Variants in SOX5 observed in about 807,000 individuals in gnomAD.
The protein encoded by SOX5 is transcription factor SOX-5.
A neutral mutation model predicts 92.0 loss-of-function variants in SOX5; 9 were observed. The ratio of observed to expected loss-of-function variants is 0.10; its 90% CI spans 0.06 to 0.17. SOX5 has a LOEUF of 0.17. Among genes scored for constraint, SOX5 ranks in the 10% least tolerant of loss-of-function variants. The pLI is 1.00. For missense variants in SOX5, 642 were observed against 944.5 expected, an observed-to-expected ratio of 0.68 and a Z score of 4.20; for synonymous variants, 344 against 336.3, an observed-to-expected ratio of 1.02 and a Z score of -0.25.
At chr12:24,075,032 C>T (rs971140263) in intron 4 of SOX5, among the ~76,000 whole-genome samples, 13 of 151,608 alleles carry the variant, frequency 8.6e-5, no homozygotes, top group Non-Finnish European at 1.6e-4. Flanking sequence ...GAGGCAGAGG[C>T]AGGAGGACTG....
At chr12:24,308,041 A>G (rs1948791540) in intron 2 of SOX5, among the ~76,000 whole-genome samples, 1 of 152,036 alleles carries the variant, frequency 6.6e-6, no homozygotes, top group African/African-American at 2.4e-5. Flanking sequence ...AAAAAACAGA[A>G]GCTGGTGATA....
intron 2 of SOX5, among the ~76,000 whole-genome samples, chr12:24,290,092 A>G (rs1314551720): frequency 1.3e-5 from 2 of 152,206 alleles, no homozygotes; most frequent in Non-Finnish European, 2.9e-5. Context: ...GCCAGCATTC[A>G]TAGAACTATG....
At chr12:23,768,512 A>C (rs1324182246) in intron 3 of SOX5, among the ~76,000 whole-genome samples, 1 of 152,198 alleles carries the variant, frequency 6.6e-6, no homozygotes, top group Non-Finnish European at 1.5e-5. Context: ...AATTGGAAGA[A>C]TTCTCCCAAT....
intron 2 of SOX5, among the ~76,000 whole-genome samples, chr12:23,859,658 C>T (rs924781948): frequency 7.9e-5 from 12 of 152,060 alleles, no homozygotes; most frequent in African/African-American, 2.9e-4. Flanking sequence ...ATTCATACAC[C>T]CCTCCCCTTT....
At chr12:23,828,965 A>C (rs775828767) in intron 3 of SOX5, among the ~76,000 whole-genome samples, 1 of 152,116 alleles carries the variant, frequency 6.6e-6, no homozygotes, top group Non-Finnish European at 1.5e-5. Context: ...GATGCTGGCC[A>C]TATTTGTCCT....
chr12:23,662,497 A>G (rs2083197368), intron 7 of SOX5, among the ~76,000 whole-genome samples: 1 of 152,138 alleles, frequency 6.6e-6, no homozygotes, highest in African/African-American at 2.4e-5. Context: ...TTACTCTTAT[A>G]TTGTTTAAAT....
At chr12:23,929,307 A>G (rs910959503) in intron 1 of SOX5, among the ~76,000 whole-genome samples, 2 of 152,032 alleles carry the variant, frequency 1.3e-5, no homozygotes, top group Non-Finnish European at 2.9e-5. Flanking sequence ...AATGAAAGAG[A>G]GTTTTTAAAG....
At chr12:24,431,933 G>A (rs1202019907) in intron 1 of SOX5, among the ~76,000 whole-genome samples, 1 of 152,100 alleles carries the variant, frequency 6.6e-6, no homozygotes, top group African/African-American at 2.4e-5. Flanking sequence ...GGAAACAGAA[G>A]AAGCATTTTA....
chr12:24,348,049 CAAAA>C (rs1182462748), intron 2 of SOX5, among the ~76,000 whole-genome samples: 5 of 72,732 alleles, frequency 6.9e-5, no homozygotes, highest in African/African-American at 1.9e-4. Flanking sequence ...TACAGCTAAT[CAAAA>C]AAAAAAAAAA....
intron 11 of SOX5, among the ~76,000 whole-genome samples, chr12:23,554,766 G>A (rs1363000775): frequency 2.6e-5 from 4 of 152,108 alleles, no homozygotes; most frequent in Non-Finnish European, 5.9e-5. Flanking sequence ...AAATAAATGC[G>A]ACATTCCTCC....
chr12:24,076,432 TG>T (rs1454702200), intron 4 of SOX5, among the ~76,000 whole-genome samples: 2 of 152,164 alleles, frequency 1.3e-5, no homozygotes, highest in African/African-American at 4.8e-5. Context: ...ACACAGTGCT[TG>T]GGGTAGAATG....
At chr12:24,496,459 C>T (rs1566309322) in intron 1 of SOX5, among the ~76,000 whole-genome samples, 1 of 152,180 alleles carries the variant, frequency 6.6e-6, no homozygotes, top group Non-Finnish European at 1.5e-5. Context: ...CAACTTCACT[C>T]TTAGGTCTAA....
chr12:24,200,130 A>G (rs929654098), intron 4 of SOX5, among the ~76,000 whole-genome samples: 8 of 152,192 alleles, frequency 5.3e-5, no homozygotes, highest in African/African-American at 1.9e-4. Flanking sequence ...CTCTAATCTC[A>G]TATGTGTCAT....
chr12:24,370,213 G>A (rs548880373), intron 1 of SOX5, among the ~76,000 whole-genome samples: 3 of 152,220 alleles, frequency 2.0e-5, no homozygotes, highest in South Asian at 4.2e-4. Context: ...GGTGGCTCAC[G>A]CCTGTAATCC....
At chr12:24,473,338 C>A (rs1446240678) in intron 1 of SOX5, among the ~76,000 whole-genome samples, 1 of 152,212 alleles carries the variant, frequency 6.6e-6, no homozygotes, top group Non-Finnish European at 1.5e-5. Context: ...CTACCCTGCC[C>A]CCATGAAGTC....
chr12:24,101,837 G>T (rs1005582101), intron 4 of SOX5, among the ~76,000 whole-genome samples: 2 of 152,036 alleles, frequency 1.3e-5, no homozygotes, highest in Admixed American at 1.3e-4. Flanking sequence ...ATGATGTGGA[G>T]GATAGACCCA....
At chr12:23,901,031 C>G (rs1192496025) in intron 1 of SOX5, among the ~76,000 whole-genome samples, 1 of 152,070 alleles carries the variant, frequency 6.6e-6, no homozygotes, top group East Asian at 1.9e-4. Context: ...GGTCTTAATA[C>G]CTTACATGTC....
chr12:23,718,269 A>G (rs2092622587), intron 6 of SOX5, among the ~76,000 whole-genome samples: 1 of 152,230 alleles, frequency 6.6e-6, no homozygotes, highest in African/African-American at 2.4e-5. Context: ...TGGTATACAC[A>G]CATTGCTTGT....
At chr12:24,366,319 T>G (rs770767288) in intron 2 of SOX5, among the ~76,000 whole-genome samples, 1 of 152,178 alleles carries the variant, frequency 6.6e-6, no homozygotes, top group South Asian at 2.1e-4. Context: ...AAGGTGATTC[T>G]GCTCTCTGCT....
Sources: gnomAD v4.1 joint callset for allele counts (sites outside exome capture counted in the v4.1 genomes callset) on GRCh38, gnomAD v4.1.1 for gene constraint, MANE v1.5 for transcripts, NCBI Gene and HGNC (gene_info 2026-07-23, HGNC 2026-07-21) for gene names.